The following HS6ST3 variants were observed in gnomAD, a reference collection of about 807,000 sequenced individuals.
The protein encoded by HS6ST3 is heparan sulfate 6-O-sulfotransferase 3, also known as heparan-sulfate 6-O-sulfotransferase 3.
In HS6ST3, 12 loss-of-function variants were observed where a neutral mutation model predicts 36.7. The observed-to-expected ratio is 0.33, with a 90% CI of 0.21 to 0.53. HS6ST3 has a LOEUF of 0.53. Among genes scored for constraint, HS6ST3 ranks in the 20% least tolerant of loss-of-function variants. The pLI, the probability that HS6ST3 is intolerant of heterozygous loss-of-function variation, is 0.95. For synonymous variants in HS6ST3, 240 were observed against 257.5 expected (o/e 0.93, Z 0.65); for missense variants, 584 against 640.9 (o/e 0.91, Z 0.96).
chr13:96,571,260 G>T (rs2056300094), intron 1 of HS6ST3, among the ~76,000 whole-genome samples: 1 of 152,178 alleles, frequency 6.6e-6, no homozygotes, highest in South Asian at 2.1e-4. Context: ...ATCGTAATCT[G>T]CTATGGCCAG....
chr13:96,666,663 C>T (rs1428604724), intron 1 of HS6ST3, among the ~76,000 whole-genome samples: 1 of 152,048 alleles, frequency 6.6e-6, no homozygotes, highest in African/African-American at 2.4e-5. Context: ...ACGATATGAA[C>T]CATAGAAGTA....
intron 1 of HS6ST3, among the ~76,000 whole-genome samples, chr13:96,488,643 C>T (rs1224595087): frequency 6.6e-6 from 1 of 152,042 alleles, no homozygotes; most frequent in African/African-American, 2.4e-5. Flanking sequence ...GGAAAATGCA[C>T]TTGGTGGGTA....
intron 1 of HS6ST3, among the ~76,000 whole-genome samples, chr13:96,769,422 A>C (rs1877201365): frequency 6.9e-6 from 1 of 145,698 alleles, no homozygotes; most frequent in South Asian, 2.3e-4. Flanking sequence ...CATTAGGTAT[A>C]TCTCCCAATG....
intron 1 of HS6ST3, among the ~76,000 whole-genome samples, chr13:96,818,647 A>G (rs569990144): frequency 1.4e-4 from 21 of 152,356 alleles, no homozygotes; most frequent in African/African-American, 4.8e-4. Context: ...CACAGGCGCA[A>G]TTAGCAAAAA....
chr13:96,259,486 G>A (rs1051868129), intron 1 of HS6ST3, among the ~76,000 whole-genome samples: 2 of 152,106 alleles, frequency 1.3e-5, no homozygotes, highest in Non-Finnish European at 2.9e-5. Flanking sequence ...CAGGACTTTG[G>A]GGCTGATTGG....
At chr13:96,304,855 C>T (rs1341560154) in intron 1 of HS6ST3, among the ~76,000 whole-genome samples, 1 of 151,422 alleles carries the variant, frequency 6.6e-6, no homozygotes. Context: ...GGACTACAGG[C>T]ACCTGCCACC....
At chr13:96,104,696 G>T (rs991752746) in intron 1 of HS6ST3, among the ~76,000 whole-genome samples, 4 of 152,190 alleles carry the variant, frequency 2.6e-5, no homozygotes, top group African/African-American at 9.6e-5. Flanking sequence ...CTGCTGAAAT[G>T]ATTCAAACTG....
chr13:96,186,742 G>A (rs1336335645), intron 1 of HS6ST3, among the ~76,000 whole-genome samples: 1 of 152,114 alleles, frequency 6.6e-6, no homozygotes, highest in Non-Finnish European at 1.5e-5. Context: ...TCACATATCC[G>A]TTTCTAATCA....
chr13:96,657,896 C>T (rs1054053277), intron 1 of HS6ST3, among the ~76,000 whole-genome samples: 1 of 152,110 alleles, frequency 6.6e-6, no homozygotes, highest in African/African-American at 2.4e-5. Flanking sequence ...TCAGTCCTCC[C>T]ATAACAGTTA....
intron 1 of HS6ST3, among the ~76,000 whole-genome samples, chr13:96,828,231 G>T (rs1456569889): frequency 1.3e-5 from 2 of 152,182 alleles, no homozygotes; most frequent in African/African-American, 4.8e-5. Context: ...TAAAGATTTT[G>T]AAGTTTCTTT....
At chr13:96,217,909 T>G (rs1038108698) in intron 1 of HS6ST3, among the ~76,000 whole-genome samples, 2 of 152,180 alleles carry the variant, frequency 1.3e-5, no homozygotes, top group Non-Finnish European at 2.9e-5. Flanking sequence ...GATAGATAAA[T>G]TTCTTTGCCC....
At chr13:96,414,166 G>A (rs897176243) in intron 1 of HS6ST3, among the ~76,000 whole-genome samples, 4 of 152,156 alleles carry the variant, frequency 2.6e-5, no homozygotes, top group African/African-American at 9.7e-5. Context: ...AGGGTATTTT[G>A]ATAGTGTGTA....
At chr13:96,168,482 G>A (rs1467078357) in intron 1 of HS6ST3, among the ~76,000 whole-genome samples, 1 of 152,022 alleles carries the variant, frequency 6.6e-6, no homozygotes, top group Non-Finnish European at 1.5e-5. Context: ...GGAGCAGGGG[G>A]ATCCCTTCAG....
intron 1 of HS6ST3, among the ~76,000 whole-genome samples, chr13:96,338,615 G>T (rs1350711482): frequency 6.6e-6 from 1 of 152,114 alleles, no homozygotes; most frequent in African/African-American, 2.4e-5. Context: ...GAGACTCCCG[G>T]TGCCTCGAAT....
At chr13:96,520,712 G>A (rs2056089930) in intron 1 of HS6ST3, among the ~76,000 whole-genome samples, 1 of 152,214 alleles carries the variant, frequency 6.6e-6, no homozygotes, top group Admixed American at 6.5e-5. Context: ...CTGAGACTTT[G>A]CTGAAGTTGC....
rs531921222 is a variant in HS6ST3, at chr13:96,698,366, G to A, written c.708-134124G>A. 3.9e-5 allele frequency among the ~76,000 whole-genome samples: 6 copies of A among 152,244 alleles called. No individual in the cohort carries two copies. In the South Asian group the frequency reaches 1.2e-3, roughly 32 times the overall value. On this transcript the variant is annotated intron_variant, in intron 1 of 1. Coordinates refer to ENST00000376705, the MANE Select transcript of HS6ST3 (RefSeq NM_153456.4). ...CAGCTTCATCCATGTCCCTACAAAGGACATGAACTCATCATTTTTTATGAC... is the reference window on the plus strand; with the variant it reads ...CAGCTTCATCCATGTCCCTACAAAGAACATGAACTCATCATTTTTTATGAC...
intron 1 of HS6ST3, among the ~76,000 whole-genome samples, chr13:96,725,342 C>T (rs1213039083): frequency 1.3e-5 from 2 of 152,010 alleles, no homozygotes; most frequent in East Asian, 1.9e-4. Flanking sequence ...CTCTTAGCAG[C>T]GTCTTGAAGA....
chr13:96,779,642 G>C (rs939143280), intron 1 of HS6ST3, among the ~76,000 whole-genome samples: 2 of 151,980 alleles, frequency 1.3e-5, no homozygotes, highest in South Asian at 2.1e-4. Context: ...AGGTGGAAAC[G>C]TAGAGTGGAG....
chr13:96,372,428 GT>G (rs2055294331), intron 1 of HS6ST3, among the ~76,000 whole-genome samples: 1 of 151,926 alleles, frequency 6.6e-6, no homozygotes, highest in African/African-American at 2.4e-5. Context: ...TATTCCTTGG[GT>G]TCTCTTTTTA....
Sources: gnomAD v4.1 joint callset for allele counts (sites outside exome capture counted in the v4.1 genomes callset) on GRCh38, gnomAD v4.1.1 for gene constraint, MANE v1.5 for transcripts, NCBI Gene and HGNC (gene_info 2026-07-23, HGNC 2026-07-21) for gene names.